Variants in TBR1 observed in about 807,000 individuals in gnomAD.
The protein encoded by TBR1 is T-box brain transcription factor 1.
Under a neutral mutation model 60.3 loss-of-function variants are expected in TBR1, and 7 were observed. The ratio of observed to expected loss-of-function variants is 0.12; its 90% confidence interval spans 0.07 to 0.22. The LOEUF (loss-of-function observed/expected upper bound fraction) is 0.22. Ranked by LOEUF, TBR1 falls within the 10% of genes least tolerant of loss-of-function variation. TBR1 has a pLI of 1.00. For synonymous variants in TBR1, 417 were observed against 409.9 expected (o/e 1.02, Z -0.21); for missense variants, 616 against 936.8 (o/e 0.66, Z 4.47).
Position 161,425,824 on chromosome 2 carries a change from G to C in TBR1, c.*1597G>C, listed in dbSNP as rs1047902262. The C allele has an allele frequency of 6.6e-6, 1 of 152,158 alleles. No individual in the cohort carries two copies. The highest frequency in any genetic ancestry group is 2.4e-5 in the African/African-American group (1 of 41,446). The allele number at this position is 152,158 out of a possible 1,614,324, so 9.4% of individuals were successfully genotyped here. ...GAAACGTTTTGTTTTTTGCTCGTTTGTATCGTCTGTGTATAACAAGTAAAA... is the reference window on the plus strand; with the variant it reads ...GAAACGTTTTGTTTTTTGCTCGTTTCTATCGTCTGTGTATAACAAGTAAAA... On this transcript the variant is annotated 3_prime_UTR_variant, in exon 6 of 6. Coordinates refer to ENST00000389554, the MANE Select transcript of TBR1 (RefSeq NM_006593.4).
chr2:161,417,147 G>A lies in TBR1; in HGVS notation c.692+45G>A, dbSNP rs564707519. ...TGCCGCTGCTCTAGGCGCAGCCGGG[G>A]ACAAGTGCACCTAGGCTGTGACTGC... On this transcript the variant is annotated intron_variant, in intron 1 of 5. Transcript: ENST00000389554. The surrounding 1 kb of genome is among the most constrained non-coding windows in gnomAD (Gnocchi z 5.3). 351 of 1,530,728 alleles carry A rather than the reference G, an allele frequency of 2.3e-4. 1 individual carries two copies. In the South Asian group the frequency reaches 2.6e-3, roughly 11 times the overall value. The allele number at this position is 1,530,728 out of a possible 1,614,324, so 94.8% of individuals were successfully genotyped here.
At chr2:161,418,480 A>T in intron 3 of TBR1, 158 bp downstream of exon 3, 1 of 1,170,632 alleles carries the variant, frequency 8.5e-7, no homozygotes, top group South Asian at 1.8e-5. Context: ...ATTTATATTA[A>T]ATCTGTAAAG....
rs1354301114 is a variant in TBR1 at position 161,417,927 on chromosome 2, A to G, written c.847+97A>G. The G allele has an allele frequency of 6.7e-7, 1 of 1,498,730 alleles. No homozygotes were observed. The highest frequency in any genetic ancestry group is 2.4e-5 in the Admixed American group (1 of 41,960). 92.8% of individuals were successfully genotyped at this position (1,498,730 alleles called of 1,614,324 possible). A position where few individuals can be genotyped will look rare whatever the true frequency, so the allele number is the denominator to read the frequency against. ...ACTGGCTCGAGCGACTTTTAAAACG[A>G]TCGGCCAATGACTTCTAAAAGGAAA... On this transcript the variant is annotated intron_variant, in intron 2 of 5. Transcript: ENST00000389554. The surrounding 1 kb of genome is among the most constrained non-coding windows in gnomAD (Gnocchi z 5.3).
rs2105283622 is a variant in TBR1, at chr2:161,425,454, T to C, written c.*1227T>C. 6.6e-6 allele frequency: 1 copy of C among 152,326 alleles called. No individual in the cohort carries two copies. Among genetic ancestry groups the C allele is most frequent in the South Asian group, 2.1e-4 (1 of 4,820 alleles). The allele number at this position is 152,326 out of a possible 1,614,324, so 9.4% of individuals were successfully genotyped here. On this transcript the variant is annotated 3_prime_UTR_variant, in exon 6 of 6. Transcript: ENST00000389554. ...CCACCACCTAGAAACAGCTGAAATT[T>C]GACTTCCTTGGGAGAACACTAGCAT...
rs1684131779 is a variant in TBR1, at chr2:161,416,849, G to A, written c.439G>A (p.Ala147Thr). The change falls in exon 1 of 6, where the codon GCC becomes ACC. Residue 147 changes from alanine (A) to threonine (T), a missense_variant. Physicochemically the swap from Ala to Thr is moderately conservative, Grantham distance 58 (BLOSUM62 0). Transcript: ENST00000389554. This position sits in a 1 kb window ranked among gnomAD's most constrained non-coding sequence, Gnocchi z 6.1. ...FSIGSPSRYMAHHPVITNGAY... is the reference protein window; with the variant it reads ...FSIGSPSRYMTHHPVITNGAY... The stretch of plus-strand genomic sequence containing the variant: ...CATCGGCAGCCCTAGCCGCTACATG[G>A]CCCACCACCCGGTCATCACCAACGG... 6.2e-7 allele frequency: 1 copy of A among 1,614,056 alleles called. No individual in the cohort carries two copies. The highest frequency in any genetic ancestry group is 8.5e-7 in the Non-Finnish European group (1 of 1,180,018).
At position 161,423,798 on chromosome 2, in the gene TBR1, C is replaced by G; in HGVS notation, c.1620C>G (p.Ala540=). 6.8e-7 allele frequency: 1 copy of G among 1,477,420 alleles called. No individual in the cohort carries two copies. The highest frequency in any genetic ancestry group is 2.9e-5 in the East Asian group (1 of 34,932). 91.5% of individuals were successfully genotyped at this position (1,477,420 alleles called of 1,614,324 possible). A position where few individuals can be genotyped will look rare whatever the true frequency, so the allele number is the denominator to read the frequency against. ...CTGGCCGCCCGCTCGGCTACTACGC[C>G]GACCCGTCGGGCTGGGGCGCCCGCA... ...GCTGRPLGYY[A]DPSGWGARSP... Residue 540 remains alanine, a synonymous_variant, in exon 6 of 6, where the codon GCC becomes GCG. Coordinates refer to ENST00000389554, the MANE Select transcript of TBR1 (RefSeq NM_006593.4).
intron 3 of TBR1, chr2:161,418,526 T>C: frequency 1.4e-6 from 1 of 737,846 alleles, no homozygotes; most frequent in Non-Finnish European, 2.1e-6. Context: ...CGGCCCAATT[T>C]TGGAGTGCCC....
At position 161,417,824 on chromosome 2, in the gene TBR1, G is replaced by A; in HGVS notation, c.841G>A (p.Val281Met). Residue 281 changes from valine to methionine, a missense_variant, in exon 2 of 6, where the codon GTG becomes ATG. Physicochemically the swap from Val to Met is conservative, Grantham distance 21. Around this residue, in one of 8 missense-constraint regions of TBR1, gnomAD observed 85 missense variants for 164.9 expected, o/e 0.52. Coordinates refer to ENST00000389554, the MANE Select transcript of TBR1 (RefSeq NM_006593.4). The surrounding 1 kb of genome is among the most constrained non-coding windows in gnomAD (Gnocchi z 5.3). ...WVPCGKADTN[V>M]QGNRVYMHPD... Reference sequence around the variant, plus strand: ...TCCTTGCGGCAAAGCGGACACCAATGTGCAAGGCAAGTCCTTCCAATTAAC... The same window carrying A: ...TCCTTGCGGCAAAGCGGACACCAATATGCAAGGCAAGTCCTTCCAATTAAC... 2.5e-6 allele frequency: 4 copies of A among 1,613,964 alleles called. No individual in the cohort carries two copies. The highest frequency in any genetic ancestry group is 2.5e-6 in the Non-Finnish European group (3 of 1,179,968).
chr2:161,423,571 A>G lies in TBR1; in HGVS notation c.1393A>G (p.Asn465Asp), dbSNP rs890226439. 1.3e-6 allele frequency: 2 copies of G among 1,551,292 alleles called. No homozygotes were observed. Among genetic ancestry groups the G allele is most frequent in the Non-Finnish European group, 1.7e-6 (2 of 1,153,484 alleles). Residue 465 changes from asparagine to aspartate, a missense_variant, in exon 6 of 6, where the codon AAC (asparagine) becomes GAC (aspartate). This residue lies in a region of TBR1 where 80 missense variants were observed against 75.3 expected (regional missense o/e 1.06). Transcript: ENST00000389554. ...TACGGACCGCAGCGTGCCGCACACC[A>G]ACGGGCTGCTGTCGCCGCAGCAGGC... ...PGTDRSVPHT[N>D]GLLSPQQAED... is the part of the protein sequence containing the mutation.
chr2:161,423,999 G>A lies in TBR1; in HGVS notation c.1821G>A (p.Lys607=). The A allele has an allele frequency of 1.3e-6, 2 of 1,568,546 alleles. No homozygotes were observed. The highest frequency in any genetic ancestry group is 1.4e-5 in the African/African-American group (1 of 73,762). ...GCGCCGCCGAGGACGCCAAGCCCAA[G>A]GACCTGTCCGATTCCAGCTGGATCG... is the stretch of plus-strand genomic sequence containing the variant. ...PPGAAEDAKP[K]DLSDSSWIET... Residue 607 remains lysine, a synonymous_variant, in exon 6 of 6, where the codon AAG becomes AAA. Transcript: ENST00000389554.
intron 3 of TBR1, 30 bp from the exon 4 acceptor site, chr2:161,418,862 C>T (rs1334377056): frequency 1.9e-6 from 3 of 1,597,354 alleles, no homozygotes; most frequent in East Asian, 2.3e-5. Flanking sequence ...AACACGCCAC[C>T]CGGCGCTCCC....
rs564268623 is a variant in TBR1 at position 161,424,338 on chromosome 2, T to C, written c.*111T>C. On this transcript the variant is annotated 3_prime_UTR_variant, in exon 6 of 6. Coordinates refer to ENST00000389554, the MANE Select transcript of TBR1 (RefSeq NM_006593.4). The surrounding 1 kb of genome is among the most constrained non-coding windows in gnomAD (Gnocchi z 4.4). The stretch of plus-strand genomic sequence containing the variant: ...CCTCCTTGCGCACCCACTCATTTTA[T>C]TTGACCCTCGATGGCCGTCTGCAGC... The C allele has an allele frequency of 9.3e-4, 1,173 of 1,262,368 alleles. 2 individuals carry two copies. The highest frequency in any genetic ancestry group is 2.5e-3 in the Middle Eastern group (9 of 3,666). The allele number at this position is 1,262,368 out of a possible 1,614,324, so 78.2% of individuals were successfully genotyped here. A position where few individuals can be genotyped will look rare whatever the true frequency, so the allele number is the denominator to read the frequency against.
chr2:161,425,590 C>A lies in TBR1; in HGVS notation c.*1363C>A, dbSNP rs966355549. 2 of 152,182 alleles carry A rather than the reference C, an allele frequency of 1.3e-5. No homozygotes were observed. The highest frequency in any genetic ancestry group is 4.8e-5 in the African/African-American group (2 of 41,440). 9.4% of individuals were successfully genotyped at this position (152,182 alleles called of 1,614,324 possible). ...TCTAATGTTGTGTAGCAAACCTATACTTTTTTGTATTTAAAAATTAATGTG... is the reference window on the plus strand; with the variant it reads ...TCTAATGTTGTGTAGCAAACCTATAATTTTTTGTATTTAAAAATTAATGTG... On this transcript the variant is annotated 3_prime_UTR_variant, in exon 6 of 6. Coordinates refer to ENST00000389554, the MANE Select transcript of TBR1 (RefSeq NM_006593.4).
intron 5 of TBR1, 82 bp from the exon 6 acceptor site, chr2:161,423,287 C>G: frequency 9.5e-7 from 1 of 1,056,660 alleles, no homozygotes. Context: ...GTGGAGGTGG[C>G]CTTCCCTTCT....
chr2:161,419,159 C>G (rs1357177098), intron 4 of TBR1, 109 bp downstream of exon 4: 4 of 1,515,248 alleles, frequency 2.6e-6, no homozygotes, highest in Middle Eastern at 1.7e-4. Context: ...CTAACATCAG[C>G]AACAGCTGGC....
rs1343891049 is a variant in TBR1, at chr2:161,424,243, C to T, written c.*16C>T. 4 of 1,532,712 alleles carry T rather than the reference C, an allele frequency of 2.6e-6. No homozygotes were observed. Among genetic ancestry groups the T allele is most frequent in the Non-Finnish European group, 3.5e-6 (4 of 1,132,972 alleles). 94.9% of individuals were successfully genotyped at this position (1,532,712 alleles called of 1,614,324 possible). A position where few individuals can be genotyped will look rare whatever the true frequency, so the allele number is the denominator to read the frequency against. The stretch of plus-strand genomic sequence containing the variant: ...GCACAGCTAGGCCGCCCCTGCCCGC[C>T]CGGCCCCGCCGCGGCCCGGACCCCC... On this transcript the variant is annotated 3_prime_UTR_variant, in exon 6 of 6. Coordinates refer to ENST00000389554, the MANE Select transcript of TBR1 (RefSeq NM_006593.4). The surrounding 1 kb of genome is among the most constrained non-coding windows in gnomAD (Gnocchi z 4.4).
At chr2:161,418,801 G>C in intron 3 of TBR1, 91 bp from the exon 4 acceptor site, 2 of 1,495,114 alleles carry the variant, frequency 1.3e-6, no homozygotes, top group Non-Finnish European at 1.8e-6. Flanking sequence ...TGCCTCCGCC[G>C]GCCCGGGCGC....
rs1351677977 is a variant in TBR1, at chr2:161,417,496, G to A, written c.693-180G>A. 23 of 804,812 alleles carry A rather than the reference G, an allele frequency of 2.9e-5. No homozygotes were observed. Among genetic ancestry groups the A allele is most frequent in the Admixed American group, 5.8e-5 (2 of 34,722 alleles). 49.9% of individuals were successfully genotyped at this position (804,812 alleles called of 1,614,324 possible). ...CTCCAGCTCACCCGCCGCTCTCCCT[G>A]ATTTGGGTTGCACTTCTTTTCTTCT... On this transcript the variant is annotated intron_variant, in intron 1 of 5. Coordinates refer to ENST00000389554, the MANE Select transcript of TBR1 (RefSeq NM_006593.4). This position sits in a 1 kb window ranked among gnomAD's most constrained non-coding sequence, Gnocchi z 5.3.
At chr2:161,422,343 G>C (rs1263718641) in intron 5 of TBR1, 1 of 152,202 alleles carries the variant, frequency 6.6e-6, no homozygotes, top group African/African-American at 2.4e-5. Flanking sequence ...GTTAATCTTT[G>C]ATTATTTTAT....
Sources: gnomAD v4.1 joint callset for allele counts on GRCh38, gnomAD v4.1.1 for gene constraint, gnomAD v4.1.1 regional missense constraint, Gnocchi (gnomAD v3.1) non-coding constraint, MANE v1.5 for transcripts, NCBI Gene and HGNC (gene_info 2026-07-23, HGNC 2026-07-21) for gene names.